The following SPON1 variants were observed in gnomAD, a reference collection of about 807,000 sequenced individuals.
SPON1 encodes spondin-1.
A neutral mutation model predicts 111.7 loss-of-function variants in SPON1; 52 were observed. The ratio of observed to expected loss-of-function variants is 0.47; its 90% confidence interval spans 0.37 to 0.59. The LOEUF is 0.59. Ranked by LOEUF, SPON1 falls within the 20% of genes least tolerant of loss-of-function variation. SPON1 has a pLI of 0.00. For synonymous variants in SPON1, 410 were observed against 395.8 expected (o/e 1.04, Z -0.43); for missense variants, 957 against 1,068.5 (o/e 0.90, Z 1.46).
intron 6 of SPON1, among the ~76,000 whole-genome samples, chr11:14,172,269 T>C (rs2133882502): frequency 6.6e-6 from 1 of 152,100 alleles, no homozygotes. Flanking sequence ...TCTCTTTTGA[T>C]CTTTGTTGGT....
chr11:14,192,476 G>A (rs559906344), intron 6 of SPON1, among the ~76,000 whole-genome samples: 186 of 149,740 alleles, frequency 1.2e-3, no homozygotes, highest in Non-Finnish European at 2.2e-3. Flanking sequence ...TCTAAATATA[G>A]AAAGAGAAGT....
At chr11:14,079,026 T>C (rs1848939992) in intron 4 of SPON1, among the ~76,000 whole-genome samples, 2 of 152,206 alleles carry the variant, frequency 1.3e-5, no homozygotes. Flanking sequence ...AAAAAAATTA[T>C]GTTAATACTA....
intron 3 of SPON1, among the ~76,000 whole-genome samples, chr11:14,048,536 A>G (rs1848686021): frequency 6.6e-6 from 1 of 152,094 alleles, no homozygotes; most frequent in South Asian, 2.1e-4. Context: ...CAAACCTGAC[A>G]CCATTTCCAT....
chr11:14,050,507 A>G (rs1442124540), intron 3 of SPON1, among the ~76,000 whole-genome samples: 2 of 152,214 alleles, frequency 1.3e-5, no homozygotes, highest in Non-Finnish European at 2.9e-5. Flanking sequence ...CTGGCCCTTT[A>G]TAGAAAAAGT....
intron 6 of SPON1, among the ~76,000 whole-genome samples, chr11:14,145,426 G>A (rs1847705709): frequency 6.6e-6 from 1 of 152,166 alleles, no homozygotes; most frequent in Admixed American, 6.5e-5. Flanking sequence ...TATTTTTACA[G>A]TAACTGAGCC....
chr11:14,098,104 T>G (rs1849115996), intron 5 of SPON1, among the ~76,000 whole-genome samples: 1 of 152,230 alleles, frequency 6.6e-6, no homozygotes, highest in African/African-American at 2.4e-5. Flanking sequence ...CACACCATTC[T>G]CCTGCCTCAG....
chr11:13,994,910 C>G (rs1848259786), intron 2 of SPON1, among the ~76,000 whole-genome samples: 1 of 152,162 alleles, frequency 6.6e-6, no homozygotes, highest in Non-Finnish European at 1.5e-5. Context: ...TATTCCCTTT[C>G]TTTCTCTATA....
chr11:14,129,512 T>C (rs1847502346), intron 5 of SPON1, among the ~76,000 whole-genome samples: 1 of 152,208 alleles, frequency 6.6e-6, no homozygotes, highest in African/African-American at 2.4e-5. Context: ...TGGACTTCAT[T>C]GTCCATATCA....
At chr11:14,192,915 A>G (rs1306376332) in intron 6 of SPON1, among the ~76,000 whole-genome samples, 1 of 152,198 alleles carries the variant, frequency 6.6e-6, no homozygotes, top group African/African-American at 2.4e-5. Context: ...GGACATTTCT[A>G]GAGGAATTCT....
At chr11:14,049,653 C>T (rs995719959) in intron 3 of SPON1, among the ~76,000 whole-genome samples, 10 of 152,154 alleles carry the variant, frequency 6.6e-5, no homozygotes, top group Admixed American at 5.9e-4. Context: ...ACAGAGGCTG[C>T]CTTTGAGGTT....
intron 6 of SPON1, among the ~76,000 whole-genome samples, chr11:14,223,083 G>T (rs1376754292): frequency 6.6e-6 from 1 of 152,184 alleles, no homozygotes; most frequent in Non-Finnish European, 1.5e-5. Flanking sequence ...TGGAAAAGTG[G>T]GCCGAGCATG....
chr11:14,178,314 C>T (rs769468602), intron 6 of SPON1, among the ~76,000 whole-genome samples: 13 of 151,166 alleles, frequency 8.6e-5, no homozygotes, highest in Non-Finnish European at 1.5e-4. Context: ...CCCAGCTACT[C>T]GGGAGACTGA....
chr11:14,176,432 G>T (rs1848175718), intron 6 of SPON1, among the ~76,000 whole-genome samples: 1 of 152,076 alleles, frequency 6.6e-6, no homozygotes, highest in South Asian at 2.1e-4. Flanking sequence ...CCCAGGAGCC[G>T]AACAGACACC....
chr11:14,039,825 G>A (rs1191416168), intron 2 of SPON1, among the ~76,000 whole-genome samples: 1 of 152,006 alleles, frequency 6.6e-6, no homozygotes, highest in Admixed American at 6.6e-5. Flanking sequence ...TAGATGTTGA[G>A]GTATTCATGT....
chr11:13,977,968 A>G (rs1233134703), intron 1 of SPON1, among the ~76,000 whole-genome samples: 1 of 152,164 alleles, frequency 6.6e-6, no homozygotes, highest in Non-Finnish European at 1.5e-5. Context: ...TTGGTGTGAA[A>G]GTAATTGTGG....
chr11:14,150,645 C>T (rs1847776051), intron 6 of SPON1, among the ~76,000 whole-genome samples: 1 of 151,582 alleles, frequency 6.6e-6, no homozygotes, highest in Non-Finnish European at 1.5e-5. Flanking sequence ...ACAAAAAGAC[C>T]CATGGTGAGC....
In SPON1 at chr11:13,967,476, G is replaced by A. The variant is rs554374636; in HGVS notation, c.238+4334G>A. Among the ~76,000 whole-genome samples the A allele has an allele frequency of 3.5e-3, 535 of 151,276 alleles. 2 individuals are homozygous for A. The highest frequency in any genetic ancestry group is 5.1e-3 in the Non-Finnish European group (344 of 67,936). ...ACATGAAGAACCTTGTCAGCCTTTG[G>A]CCAATTCCTTTTGTTTGTGGGGAAA... is the stretch of plus-strand genomic sequence containing the variant. On this transcript the variant is annotated intron_variant, in intron 1 of 15. Coordinates refer to ENST00000576479, the MANE Select transcript of SPON1 (RefSeq NM_006108.4).
Position 14,135,414 on chromosome 11 carries a change from T to C in SPON1, c.677-6T>C. ...CTGATAACTGCCTCCTGATTGGCTT[T>C]CCCAGGTCGGGCCAACCACTGGTCT... On this transcript the variant is annotated splice_polypyrimidine_tract_variant and splice_region_variant and intron_variant, in intron 5 of 15. Transcript: ENST00000576479. This position sits in a 1 kb window ranked among gnomAD's most constrained non-coding sequence, Gnocchi z 4.4. 6.2e-7 allele frequency: 1 copy of C among 1,603,982 alleles called. No homozygotes were observed. The highest frequency in any genetic ancestry group is 1.3e-5 in the African/African-American group (1 of 74,878).
intron 3 of SPON1, among the ~76,000 whole-genome samples, chr11:14,073,941 G>A (rs782482937): frequency 3.3e-5 from 5 of 152,200 alleles, no homozygotes; most frequent in Non-Finnish European, 7.3e-5. Flanking sequence ...AAGCAGGAAT[G>A]TGGGGCCTGG....
Sources: allele counts gnomAD v4.1 joint callset (sites outside exome capture counted in the v4.1 genomes callset), GRCh38; gene constraint gnomAD v4.1.1; non-coding constraint Gnocchi (gnomAD v3.1); transcripts MANE v1.5; gene names NCBI Gene and HGNC (gene_info 2026-07-23, HGNC 2026-07-21).